The following OSBPL3 variants were observed in gnomAD, a reference collection of about 807,000 sequenced individuals.
The protein encoded by OSBPL3 is oxysterol binding protein like 3.
A neutral mutation model predicts 120.1 loss-of-function variants in OSBPL3; 65 were observed. The ratio of observed to expected loss-of-function variants is 0.54; its 90% CI spans 0.44 to 0.67. The LOEUF (loss-of-function observed/expected upper bound fraction) is 0.67. OSBPL3 is among the 30% of genes least tolerant of loss of function. The pLI is 0.00. For synonymous variants in OSBPL3, 416 were observed against 402.6 expected, an observed-to-expected ratio of 1.03 and a Z score of -0.40; for missense variants, 1,004 against 1,082.1, an observed-to-expected ratio of 0.93 and a Z score of 1.01.
chr7:24,972,823 G>A lies in OSBPL3; in HGVS notation c.-150+7063C>T, dbSNP rs184010413. On this transcript the variant is annotated intron_variant, in intron 1 of 22. Transcript: ENST00000313367. The surrounding 1 kb of genome is among the most constrained non-coding windows in gnomAD (Gnocchi z 4.3). ...TGACTGTCCACCACAAATTACTTGG[G>A]GAGGGAGAAATATTTGTTTTATAAG... is the stretch of plus-strand genomic sequence containing the variant. Among the ~76,000 whole-genome samples, 1 of 152,162 alleles carries A rather than the reference G, an allele frequency of 6.6e-6. No homozygotes were observed. Among genetic ancestry groups the A allele is most frequent in the East Asian group, 1.9e-4 (1 of 5,188 alleles).
At chr7:24,844,675 A>C (rs990024597) in intron 12 of OSBPL3, among the ~76,000 whole-genome samples, 3 of 152,056 alleles carry the variant, frequency 2.0e-5, no homozygotes, top group Non-Finnish European at 4.4e-5. Context: ...TTTTTTCAAA[A>C]TTAAACTGTA....
At position 24,947,778 on chromosome 7, in the gene OSBPL3, T is replaced by TCTCACA. The variant is rs1029044417; in HGVS notation, c.-150+32107_-150+32108insTGTGAG. On this transcript the variant is annotated intron_variant, in intron 1 of 22. Transcript: ENST00000313367. The surrounding 1 kb of genome is among the most constrained non-coding windows in gnomAD (Gnocchi z 4.4). Reference sequence around the variant, plus strand: ...ATGTATACATACATATCCAATTAAATCACACACACACACACACACACACAC... The same window carrying TCTCACA: ...ATGTATACATACATATCCAATTAAATCTCACACACACACACACACACACACACACAC... Among the ~76,000 whole-genome samples, 1 of 148,122 alleles carries TCTCACA rather than the reference T, an allele frequency of 6.8e-6. No individual in the cohort carries two copies. The highest frequency in any genetic ancestry group is 2.5e-5 in the African/African-American group (1 of 40,040).
chr7:24,830,422 T>A lies in OSBPL3; in HGVS notation c.1884+346A>T, dbSNP rs1239750309. Among the ~76,000 whole-genome samples, 2 of 152,232 alleles carry A rather than the reference T, an allele frequency of 1.3e-5. No homozygotes were observed. The highest frequency in any genetic ancestry group is 4.8e-5 in the African/African-American group (2 of 41,454). On this transcript the variant is annotated intron_variant, in intron 16 of 22. Transcript: ENST00000313367. This position sits in a 1 kb window ranked among gnomAD's most constrained non-coding sequence, Gnocchi z 4.4. ...TGCTGGGGGCATTCATGCTCTGGAA[T>A]AATGATGTCAGTGTGTTAGGGAGCA...
At chr7:24,943,912 T>C (rs1255829873) in intron 1 of OSBPL3, among the ~76,000 whole-genome samples, 4 of 152,194 alleles carry the variant, frequency 2.6e-5, no homozygotes, top group African/African-American at 4.8e-5. Context: ...AATTTACTTA[T>C]GTTTCAGATT....
chr7:24,803,504 G>C lies in OSBPL3; in HGVS notation c.2567+811C>G, dbSNP rs886120475. On this transcript the variant is annotated intron_variant, in intron 22 of 22. Coordinates refer to ENST00000313367, the MANE Select transcript of OSBPL3 (RefSeq NM_015550.4). This position sits in a 1 kb window ranked among gnomAD's most constrained non-coding sequence, Gnocchi z 4.2. Reference sequence around the variant, plus strand: ...CTTTAAAAATTTATATCTATTGGCTGGGCACGGTGGCTCTTACCTGTACTT... The same window carrying C: ...CTTTAAAAATTTATATCTATTGGCTCGGCACGGTGGCTCTTACCTGTACTT... Among the ~76,000 whole-genome samples, 4 of 152,124 alleles carry C rather than the reference G, an allele frequency of 2.6e-5. No homozygotes were observed. The highest frequency in any genetic ancestry group is 9.7e-5 in the African/African-American group (4 of 41,420).
chr7:24,810,574 T>C (rs556870325), intron 19 of OSBPL3, among the ~76,000 whole-genome samples: 4 of 152,214 alleles, frequency 2.6e-5, no homozygotes, highest in African/African-American at 7.2e-5. Flanking sequence ...CTCTCAGCAA[T>C]TTTCAAGTAT....
intron 9 of OSBPL3, 115 bp from the exon 10 acceptor site, chr7:24,861,884 CT>C (rs11324094): frequency 0.34 from 102,167 of 298,936 alleles, 9,434 homozygotes; most frequent in East Asian, 0.55. Flanking sequence ...ATAGGTAGGT[CT>C]TTTTTTTTTT....
chr7:24,905,796 C>T (rs938456829), intron 1 of OSBPL3, among the ~76,000 whole-genome samples: 5 of 152,262 alleles, frequency 3.3e-5, no homozygotes, highest in Non-Finnish European at 5.9e-5. Context: ...TTCGGGAGGC[C>T]GAGGTGGGTG....
Position 24,852,739 on chromosome 7 carries a change from C to A in OSBPL3, c.1028-105G>T. ...AAAAGAAACAAGCAAAGTAACAGCC[C>A]TGAATATTTTGAGTATAGCAAATGT... On this transcript the variant is annotated intron_variant, in intron 10 of 22. Transcript: ENST00000313367. The surrounding 1 kb of genome is among the most constrained non-coding windows in gnomAD (Gnocchi z 4.1). 1.3e-6 allele frequency: 1 copy of A among 751,786 alleles called. No individual in the cohort carries two copies. The highest frequency in any genetic ancestry group is 2.0e-6 in the Non-Finnish European group (1 of 494,648). 46.6% of individuals were successfully genotyped at this position (751,786 alleles called of 1,614,324 possible). A position where few individuals can be genotyped will look rare whatever the true frequency, so the allele number is the denominator to read the frequency against.
chr7:24,804,671 G>A lies in OSBPL3; in HGVS notation c.2445-234C>T, dbSNP rs2128100789. The stretch of plus-strand genomic sequence containing the variant: ...TCTACAAAAAAGAATTTGGGGCAAA[G>A]TCTTCCTTTCTTCCTTGTCTCTAAT... On this transcript the variant is annotated intron_variant, in intron 21 of 22. Coordinates refer to ENST00000313367, the MANE Select transcript of OSBPL3 (RefSeq NM_015550.4). The surrounding 1 kb of genome is among the most constrained non-coding windows in gnomAD (Gnocchi z 5.4). Among the ~76,000 whole-genome samples the A allele has an allele frequency of 6.6e-6, 1 of 152,272 alleles. No individual in the cohort carries two copies. The highest frequency in any genetic ancestry group is 2.1e-4 in the South Asian group (1 of 4,826).
rs965923211 is a variant in OSBPL3, at chr7:24,912,130, TAGA to T, written c.-149-19512_-149-19510del. 4.6e-5 allele frequency among the ~76,000 whole-genome samples: 7 copies of T among 152,236 alleles called. No individual in the cohort carries two copies. The highest frequency in any genetic ancestry group is 6.5e-5 in the Admixed American group (1 of 15,286). ...GTTCCCTCCCCTTCACACTAGCTAC[TAGA>T]AGGTTTTTACTAAATTTTATCTCCG... On this transcript the variant is annotated intron_variant, in intron 1 of 22. Coordinates refer to ENST00000313367, the MANE Select transcript of OSBPL3 (RefSeq NM_015550.4). This position sits in a 1 kb window ranked among gnomAD's most constrained non-coding sequence, Gnocchi z 4.5.
chr7:24,942,560 A>T (rs1419715952), intron 1 of OSBPL3, among the ~76,000 whole-genome samples: 1 of 152,250 alleles, frequency 6.6e-6, no homozygotes, highest in Admixed American at 6.5e-5. Context: ...GAGTCCCTGA[A>T]ATATTAGGAC....
chr7:24,878,841 G>C (rs997946220), intron 2 of OSBPL3, among the ~76,000 whole-genome samples: 1 of 152,202 alleles, frequency 6.6e-6, no homozygotes, highest in Admixed American at 6.5e-5. Context: ...TTTAAGTTCA[G>C]TAGGTCTGGG....
At chr7:24,868,008 A>G (rs1367326521) in intron 5 of OSBPL3, among the ~76,000 whole-genome samples, 1 of 152,148 alleles carries the variant, frequency 6.6e-6, no homozygotes, top group Non-Finnish European at 1.5e-5. Context: ...GCACCTATAT[A>G]CCATAGATAT....
At position 24,872,567 on chromosome 7, in the gene OSBPL3, TG is replaced by T. The variant is rs1802321934; in HGVS notation, c.97-499del. Among the ~76,000 whole-genome samples the T allele has an allele frequency of 6.6e-6, 1 of 151,888 alleles. No homozygotes were observed. Among genetic ancestry groups the T allele is most frequent in the African/African-American group, 2.4e-5 (1 of 41,354 alleles). On this transcript the variant is annotated intron_variant, in intron 2 of 22. Coordinates refer to ENST00000313367, the MANE Select transcript of OSBPL3 (RefSeq NM_015550.4). This position sits in a 1 kb window ranked among gnomAD's most constrained non-coding sequence, Gnocchi z 4.1. ...AAATCAGTAAATATGACAACTTGAT[TG>T]AAATAATTATTTTGTTGAAAATCAG...
At position 24,820,347 on chromosome 7, in the gene OSBPL3, G is replaced by A; in HGVS notation, c.1885-109C>T. ...ATGTAACAGCGTGCAATGCTGAACT[G>A]AAGGAAAAACTTCTTTAGTTTCCCT... On this transcript the variant is annotated intron_variant, in intron 16 of 22. Coordinates refer to ENST00000313367, the MANE Select transcript of OSBPL3 (RefSeq NM_015550.4). The surrounding 1 kb of genome is among the most constrained non-coding windows in gnomAD (Gnocchi z 4.6). The A allele has an allele frequency of 1.3e-6, 1 of 766,558 alleles. No homozygotes were observed. Among genetic ancestry groups the A allele is most frequent in the Admixed American group, 2.4e-5 (1 of 42,316 alleles). 47.5% of individuals were successfully genotyped at this position (766,558 alleles called of 1,614,324 possible). A position where few individuals can be genotyped will look rare whatever the true frequency, so the allele number is the denominator to read the frequency against.
chr7:24,849,163 T>C lies in OSBPL3; in HGVS notation c.1172A>G (p.Asn391Ser). 1 of 1,613,632 alleles carries C rather than the reference T, an allele frequency of 6.2e-7. No individual in the cohort carries two copies. Among genetic ancestry groups the C allele is most frequent in the Non-Finnish European group, 8.5e-7 (1 of 1,179,608 alleles). Residue 391 changes from asparagine (N) to serine (S), a missense_variant, in exon 12 of 23, where the codon AAC becomes AGC. By Grantham distance (46) the Asn-to-Ser change is conservative (BLOSUM62 1). This residue lies in a region of OSBPL3 where 272 missense variants were observed against 248.8 expected (regional missense o/e 1.09). Coordinates refer to ENST00000313367, the MANE Select transcript of OSBPL3 (RefSeq NM_015550.4). This position sits in a 1 kb window ranked among gnomAD's most constrained non-coding sequence, Gnocchi z 5.4. The part of the protein sequence containing the change: ...KNALSSALAQ[N>S]TDLKERLRRI... ...GCGTAAGCGTTCTTTAAGATCTGTG[T>C]TTTGTGCTAGGGCCTGGAACATGTT...
intron 14 of OSBPL3, among the ~76,000 whole-genome samples, chr7:24,838,674 T>C (rs1034581687): frequency 7.9e-5 from 12 of 152,216 alleles, no homozygotes. Flanking sequence ...ATTAACTTTG[T>C]GCTTCCTATG....
intron 1 of OSBPL3, among the ~76,000 whole-genome samples, chr7:24,973,879 T>G (rs17231650): frequency 0.3 from 45,525 of 152,100 alleles, 7,548 homozygotes; most frequent in Non-Finnish European, 0.39. Context: ...ATTTCAAACA[T>G]GTACAAAAGT....
Sources: gnomAD v4.1 joint callset for allele counts (sites outside exome capture counted in the v4.1 genomes callset) on GRCh38, gnomAD v4.1.1 for gene constraint, gnomAD v4.1.1 regional missense constraint, Gnocchi (gnomAD v3.1) non-coding constraint, MANE v1.5 for transcripts, NCBI Gene and HGNC (gene_info 2026-07-23, HGNC 2026-07-21) for gene names.